The following RPS6KA2 variants were observed in gnomAD, a reference collection of about 807,000 sequenced individuals.
RPS6KA2 encodes ribosomal protein S6 kinase alpha-2.
A neutral mutation model predicts 91.8 loss-of-function variants in RPS6KA2; 42 were observed. The ratio of observed to expected loss-of-function variants is 0.46; its 90% confidence interval spans 0.36 to 0.59. The LOEUF (loss-of-function observed/expected upper bound fraction) is 0.59, where lower values mean the gene tolerates loss of function less well. Ranked by LOEUF, RPS6KA2 falls within the 20% of genes least tolerant of loss-of-function variation. The pLI is 0.00. For synonymous variants in RPS6KA2, 414 were observed against 393.6 expected (o/e 1.05, Z -0.61); for missense variants, 798 against 978.5 (o/e 0.82, Z 2.46).
chr6:166,448,693 G>C lies in RPS6KA2; in HGVS notation c.1332+31C>G. 2 of 1,592,382 alleles carry C rather than the reference G, an allele frequency of 1.3e-6. No individual in the cohort carries two copies. Among genetic ancestry groups the C allele is most frequent in the Middle Eastern group, 1.7e-4 (1 of 5,766 alleles). On this transcript the variant is annotated intron_variant, in intron 14 of 20. Coordinates refer to ENST00000265678, the MANE Select transcript of RPS6KA2 (RefSeq NM_021135.6). This position sits in a 1 kb window ranked among gnomAD's most constrained non-coding sequence, Gnocchi z 4.7. ...TGCTCCCACGCGCTGCACTCACACAGGGCCCTGCTCACTCAGCAGGCCTGC... is the reference window on the plus strand; with the variant it reads ...TGCTCCCACGCGCTGCACTCACACACGGCCCTGCTCACTCAGCAGGCCTGC...
chr6:166,437,079 T>C lies in RPS6KA2; in HGVS notation c.1333-4589A>G, dbSNP rs1198289150. On this transcript the variant is annotated intron_variant, in intron 14 of 20. Transcript: ENST00000265678. The surrounding 1 kb of genome is among the most constrained non-coding windows in gnomAD (Gnocchi z 4.3). ...TATTTTTGCATGGAGGGTGAGCTAT[T>C]TGAGCAAGGTAAGGCTGGAGAGTGC... Among the ~76,000 whole-genome samples, 5 of 152,114 alleles carry C rather than the reference T, an allele frequency of 3.3e-5. No homozygotes were observed. The highest frequency in any genetic ancestry group is 7.4e-5 in the Non-Finnish European group (5 of 68,018).
intron 14 of RPS6KA2, among the ~76,000 whole-genome samples, chr6:166,438,171 ACTC>A (rs1779401185): frequency 1.3e-5 from 2 of 152,206 alleles, no homozygotes; most frequent in African/African-American, 4.8e-5. Context: ...GAGAGAAAGA[ACTC>A]CTGTTTTATC....
chr6:166,518,576 C>T (rs1009148373), intron 3 of RPS6KA2, among the ~76,000 whole-genome samples: 1 of 152,072 alleles, frequency 6.6e-6, no homozygotes, highest in African/African-American at 2.4e-5. Context: ...CAGATTAAAC[C>T]CATCAGTGCA....
At chr6:166,611,796 G>A (rs545750566) in intron 1 of RPS6KA2, among the ~76,000 whole-genome samples, 28 of 152,080 alleles carry the variant, frequency 1.8e-4, no homozygotes, top group Non-Finnish European at 2.9e-4. Context: ...AGGACTCCAC[G>A]TTTCCATGTT....
At position 166,419,267 on chromosome 6, in the gene RPS6KA2, C is replaced by T. The variant is rs746253293; in HGVS notation, c.1820+615G>A. Among the ~76,000 whole-genome samples, 2 of 152,202 alleles carry T rather than the reference C, an allele frequency of 1.3e-5. No individual in the cohort carries two copies. The highest frequency in any genetic ancestry group is 2.9e-5 in the Non-Finnish European group (2 of 68,048). ...TAGGAACCAGCGGATCTTGTAAGATCCTAGACCTTCCTGCCTAGAAGCAAC... is the reference window on the plus strand; with the variant it reads ...TAGGAACCAGCGGATCTTGTAAGATTCTAGACCTTCCTGCCTAGAAGCAAC... On this transcript the variant is annotated intron_variant, in intron 18 of 20. Coordinates refer to ENST00000265678, the MANE Select transcript of RPS6KA2 (RefSeq NM_021135.6). The surrounding 1 kb of genome is among the most constrained non-coding windows in gnomAD (Gnocchi z 5.6).
intron 1 of RPS6KA2, among the ~76,000 whole-genome samples, chr6:166,545,317 C>T (rs1321707888): frequency 1.3e-5 from 2 of 152,164 alleles, no homozygotes; most frequent in Non-Finnish European, 2.9e-5. Context: ...CTTTTTCTGA[C>T]CAATGAAAGT....
chr6:166,748,625 T>C (rs1583074037), intron 2 of RPS6KA2, among the ~76,000 whole-genome samples: 1 of 45,972 alleles, frequency 2.2e-5, no homozygotes, highest in Non-Finnish European at 3.8e-5. Flanking sequence ...GGCCCCCACC[T>C]CCTCAGGCCC....
intron 10 of RPS6KA2, among the ~76,000 whole-genome samples, chr6:166,475,183 G>A (rs1780922488): frequency 1.4e-5 from 2 of 143,976 alleles, no homozygotes; most frequent in African/African-American, 5.5e-5. Flanking sequence ...GCTTAGACTG[G>A]GTCACCCCAT....
At position 166,680,436 on chromosome 6, in the gene RPS6KA2, C is replaced by G. The variant is rs536447493; in HGVS notation, c.124-141652G>C. ...AGGCCGCCCCAGCCAGGAGACCTAC[C>G]TGCTCTGGTCCCCTTCCACGTTGTG... On this transcript the variant is annotated intron_variant, in intron 2 of 21. Coordinates refer to the RPS6KA2 transcript ENST00000503859. Among the ~76,000 whole-genome samples the G allele has an allele frequency of 4.6e-5, 7 of 152,322 alleles. No individual in the cohort carries two copies. The South Asian group carries it at 1.5e-3, about 32-fold the overall frequency.
intron 10 of RPS6KA2, among the ~76,000 whole-genome samples, chr6:166,483,204 G>A (rs375268189): frequency 1.6e-4 from 24 of 152,328 alleles, no homozygotes; most frequent in Middle Eastern, 6.8e-3. Context: ...CATGCTGTCG[G>A]AGCTGGAAGG....
intron 1 of RPS6KA2, chr6:166,858,336 T>A: frequency 1.3e-6 from 1 of 751,368 alleles, no homozygotes; most frequent in Non-Finnish European, 2.3e-6. Flanking sequence ...GTTACCAATA[T>A]GAAAAAGTAC....
At chr6:166,731,392 C>G (rs967076518) in intron 2 of RPS6KA2, among the ~76,000 whole-genome samples, 2 of 151,624 alleles carry the variant, frequency 1.3e-5, no homozygotes, top group African/African-American at 4.9e-5. Flanking sequence ...TAGAGACAAT[C>G]AGCATTGGTC....
At chr6:166,548,343 A>G (rs2128499157) in intron 1 of RPS6KA2, among the ~76,000 whole-genome samples, 1 of 152,364 alleles carries the variant, frequency 6.6e-6, no homozygotes, top group East Asian at 1.9e-4. Context: ...TTAAGTATAG[A>G]GAAGTTTATT....
At position 166,432,440 on chromosome 6, in the gene RPS6KA2, C is replaced by A. The variant is rs1380266478; in HGVS notation, c.1383G>T (p.Leu461=). The A allele has an allele frequency of 6.2e-7, 1 of 1,613,816 alleles. No individual in the cohort carries two copies. The highest frequency in any genetic ancestry group is 1.3e-5 in the African/African-American group (1 of 74,922). The change falls in exon 15 of 21, where the codon CTG becomes CTT. Residue 461 remains leucine (L), a synonymous_variant. Transcript: ENST00000265678. ...TGATGTTCGGGTGCTGGCCGTACCGCAGGAGGATCTCAATCTCTTCCGAGG... is the reference window on the plus strand; with the variant it reads ...TGATGTTCGGGTGCTGGCCGTACCGAAGGAGGATCTCAATCTCTTCCGAGG... ...RDPSEEIEIL[L]RYGQHPNIIT...
At chr6:166,670,961 C>T (rs535800676) in intron 2 of RPS6KA2, among the ~76,000 whole-genome samples, 24 of 152,320 alleles carry the variant, frequency 1.6e-4, no homozygotes, top group African/African-American at 5.5e-4. Context: ...GCTGGGATTA[C>T]AGCCTCGTGC....
intron 2 of RPS6KA2, among the ~76,000 whole-genome samples, chr6:166,777,354 G>A (rs1778650178): frequency 6.6e-6 from 1 of 152,172 alleles, no homozygotes; most frequent in Non-Finnish European, 1.5e-5. Context: ...AGCTGGTCTG[G>A]TGCCAGGAAC....
intron 2 of RPS6KA2, among the ~76,000 whole-genome samples, chr6:166,685,892 G>A (rs1295639592): frequency 6.6e-6 from 1 of 152,126 alleles, no homozygotes; most frequent in Non-Finnish European, 1.5e-5. Context: ...TCCTACCATC[G>A]AGTGATCCCG....
At position 166,671,799 on chromosome 6, in the gene RPS6KA2, C is replaced by G. The variant is rs375568661; in HGVS notation, c.124-133015G>C. On this transcript the variant is annotated intron_variant, in intron 2 of 21. Transcript: ENST00000503859. ...CATGGGAGGGAAGGGTGGAGCTGGACACTGGCCAGTGGGCTGGCCAGAGCC... is the reference window on the plus strand; with the variant it reads ...CATGGGAGGGAAGGGTGGAGCTGGAGACTGGCCAGTGGGCTGGCCAGAGCC... 1.6e-4 allele frequency among the ~76,000 whole-genome samples: 25 copies of G among 152,286 alleles called. No homozygotes were observed. The East Asian group carries it at 3.7e-3, about 22-fold the overall frequency.
intron 2 of RPS6KA2, among the ~76,000 whole-genome samples, chr6:166,718,335 C>A (rs569853134): frequency 6.3e-4 from 95 of 151,976 alleles, no homozygotes; most frequent in Non-Finnish European, 1.2e-3. Flanking sequence ...CCCCACAGTG[C>A]CGATGTAGGA....
Sources: allele counts gnomAD v4.1 joint callset (sites outside exome capture counted in the v4.1 genomes callset), GRCh38; gene constraint gnomAD v4.1.1; non-coding constraint Gnocchi (gnomAD v3.1); transcripts MANE v1.5; gene names NCBI Gene and HGNC (gene_info 2026-07-23, HGNC 2026-07-21).